Variants in CAPZA2 observed in about 807,000 individuals in gnomAD.
CAPZA2 encodes the protein capping actin protein of muscle Z-line subunit alpha 2.
A neutral mutation model predicts 44.0 loss-of-function variants in CAPZA2; 13 were observed. The observed-to-expected ratio is 0.30, with a 90% CI of 0.19 to 0.47. The LOEUF is 0.47. Among genes scored for constraint, CAPZA2 ranks in the 20% least tolerant of loss-of-function variants. CAPZA2 has a pLI of 1.00. For synonymous variants in CAPZA2, 94 were observed against 108.2 expected, an observed-to-expected ratio of 0.87 and a Z score of 0.81; for missense variants, 244 against 338.6, an observed-to-expected ratio of 0.72 and a Z score of 2.19.
chr7:116,869,639 G>A (rs981920472), intron 1 of CAPZA2, among the ~76,000 whole-genome samples: 2 of 152,200 alleles, frequency 1.3e-5, no homozygotes, highest in East Asian at 3.8e-4. Context: ...GGATAGGCAA[G>A]GATATAGTTC....
intron 1 of CAPZA2, among the ~76,000 whole-genome samples, chr7:116,881,531 A>G (rs1796699739): frequency 6.6e-6 from 1 of 152,012 alleles, no homozygotes; most frequent in African/African-American, 2.4e-5. Flanking sequence ...CGAGGTCAGG[A>G]GATCAAGACC....
chr7:116,881,631 T>C (rs1322298911), intron 1 of CAPZA2, among the ~76,000 whole-genome samples: 11 of 146,184 alleles, frequency 7.5e-5, no homozygotes, highest in South Asian at 2.2e-4. Context: ...CCCAGCTACT[T>C]GGGAGGCTGA....
chr7:116,912,283 A>T, intron 8 of CAPZA2, 143 bp downstream of exon 8: 2 of 1,308,652 alleles, frequency 1.5e-6, no homozygotes, highest in Non-Finnish European at 2.0e-6. Context: ...GCAAACCTGT[A>T]CCTAACTTTT....
intron 1 of CAPZA2, chr7:116,879,919 A>G (rs1262249335): frequency 3.0e-6 from 1 of 337,394 alleles, no homozygotes; most frequent in East Asian, 7.7e-5. Context: ...GGCAGAGGAA[A>G]CAGATTCTGC....
intron 1 of CAPZA2, among the ~76,000 whole-genome samples, chr7:116,884,886 G>A (rs920592180): frequency 1.3e-5 from 2 of 152,124 alleles, no homozygotes; most frequent in African/African-American, 2.4e-5. Context: ...GAGAGTTCCT[G>A]TTCTGCATCC....
intron 9 of CAPZA2, among the ~76,000 whole-genome samples, chr7:116,916,619 C>T (rs963376413): frequency 3.3e-5 from 5 of 151,126 alleles, no homozygotes; most frequent in African/African-American, 7.3e-5. Context: ...AGCGAGACTC[C>T]GTCTCAAAAA....
At chr7:116,866,746 T>TC (rs1796489003) in intron 1 of CAPZA2, among the ~76,000 whole-genome samples, 2 of 152,220 alleles carry the variant, frequency 1.3e-5, no homozygotes. Context: ...TCCCATAGCT[T>TC]CAACTTTTAG....
intron 1 of CAPZA2, among the ~76,000 whole-genome samples, chr7:116,878,570 T>G (rs1444304641): frequency 6.6e-6 from 1 of 152,208 alleles, no homozygotes; most frequent in African/African-American, 2.4e-5. Context: ...TCATTTGCCT[T>G]TACTTATGTA....
At chr7:116,887,394 G>A (rs1005961460) in intron 1 of CAPZA2, among the ~76,000 whole-genome samples, 6 of 152,094 alleles carry the variant, frequency 3.9e-5, no homozygotes, top group Non-Finnish European at 5.9e-5. Context: ...CAGGTGTGGT[G>A]GCACGTGCCT....
chr7:116,917,950 C>A lies in CAPZA2; in HGVS notation c.*83C>A. ...AAGTATTCTGAACTGTCAAGCTGCC[C>A]AGTCAGATGGGCTGTTGCCATTTAA... On this transcript the variant is annotated 3_prime_UTR_variant, in exon 10 of 10. Coordinates refer to ENST00000361183, the MANE Select transcript of CAPZA2 (RefSeq NM_006136.3). The A allele has an allele frequency of 9.1e-7, 1 of 1,097,336 alleles. No individual in the cohort carries two copies. Among genetic ancestry groups the A allele is most frequent in the South Asian group, 1.3e-5 (1 of 75,758 alleles). 68.0% of individuals were successfully genotyped at this position (1,097,336 alleles called of 1,614,324 possible). A position where few individuals can be genotyped will look rare whatever the true frequency, so the allele number is the denominator to read the frequency against.
intron 5 of CAPZA2, among the ~76,000 whole-genome samples, chr7:116,905,741 T>C (rs1265815553): frequency 6.6e-6 from 1 of 152,244 alleles, no homozygotes; most frequent in Non-Finnish European, 1.5e-5. Flanking sequence ...TTAATTATTA[T>C]TTTTAAAGCA....
chr7:116,901,919 GTA>G (rs1333321043), intron 4 of CAPZA2, among the ~76,000 whole-genome samples: 1 of 145,632 alleles, frequency 6.9e-6, no homozygotes, highest in Non-Finnish European at 1.5e-5. Context: ...GTGTATGTGT[GTA>G]TATATATATA....
intron 8 of CAPZA2, among the ~76,000 whole-genome samples, chr7:116,913,476 AT>A (rs1244974971): frequency 9.2e-5 from 14 of 152,100 alleles, no homozygotes; most frequent in African/African-American, 3.1e-4. Context: ...TTGGATCATG[AT>A]TTAATGAAGT....
chr7:116,916,899 G>C (rs972049094), intron 9 of CAPZA2, among the ~76,000 whole-genome samples: 4 of 152,154 alleles, frequency 2.6e-5, no homozygotes. Context: ...TGCTCAACCT[G>C]TATCAGTCAA....
rs1462140185 is a variant in CAPZA2 at position 116,918,323 on chromosome 7, A to G, written c.*456A>G. On this transcript the variant is annotated 3_prime_UTR_variant, in exon 10 of 10. Transcript: ENST00000361183. The stretch of plus-strand genomic sequence containing the variant: ...ATATATGCTGCTAAAGAAATTGTCT[A>G]CCTTTTCTTCCTCACCTGTTCCATT... The G allele has an allele frequency of 6.4e-6, 1 of 155,632 alleles. No individual in the cohort carries two copies. Among genetic ancestry groups the G allele is most frequent in the Non-Finnish European group, 1.4e-5 (1 of 69,794 alleles). 9.6% of individuals were successfully genotyped at this position (155,632 alleles called of 1,614,324 possible).
At chr7:116,865,190 T>TC (rs1796468178) in intron 1 of CAPZA2, among the ~76,000 whole-genome samples, 1 of 142,518 alleles carries the variant, frequency 7.0e-6, no homozygotes, top group African/African-American at 2.6e-5. Flanking sequence ...TTTTTTTTTT[T>TC]TTTTTTTTTT....
At chr7:116,892,940 T>A in intron 2 of CAPZA2, 54 bp from the exon 3 acceptor site, 8 of 1,310,006 alleles carry the variant, frequency 6.1e-6, no homozygotes, top group Non-Finnish European at 8.6e-6. Flanking sequence ...CTGCGTTCAT[T>A]ACATTCTTGA....
chr7:116,893,134 TTTTTG>T (rs1796872259), intron 3 of CAPZA2, 89 bp downstream of exon 3: 1 of 863,314 alleles, frequency 1.2e-6, no homozygotes, highest in Non-Finnish European at 1.8e-6. Flanking sequence ...TTTGTGGGTT[TTTTTG>T]TTTTGTTTTG....
intron 1 of CAPZA2, among the ~76,000 whole-genome samples, chr7:116,873,287 T>C (rs1452916994): frequency 1.3e-5 from 2 of 152,140 alleles, no homozygotes; most frequent in Admixed American, 6.6e-5. Context: ...GATGGCTGTT[T>C]GGGGGTTTTG....
Sources: allele counts gnomAD v4.1 joint callset (sites outside exome capture counted in the v4.1 genomes callset), GRCh38; gene constraint gnomAD v4.1.1; transcripts MANE v1.5; gene names NCBI Gene and HGNC (gene_info 2026-07-23, HGNC 2026-07-21).